The following GSN variants were observed in gnomAD, a reference collection of about 807,000 sequenced individuals.
The protein encoded by GSN is gelsolin.
A neutral mutation model predicts 85.7 loss-of-function variants in GSN; 56 were observed. The observed-to-expected ratio is 0.65, with a 90% CI of 0.53 to 0.82. The LOEUF (loss-of-function observed/expected upper bound fraction) is 0.82, where lower values mean the gene tolerates loss of function less well. Among genes scored for constraint, GSN ranks in the 40% least tolerant of loss-of-function variants. GSN has a pLI of 0.00. For synonymous variants in GSN, 373 were observed against 399.1 expected (o/e 0.93, Z 0.78); for missense variants, 857 against 979.8 (o/e 0.87, Z 1.67).
chr9:121,272,954 C>A (rs536045576), intron 1 of GSN, among the ~76,000 whole-genome samples: 1 of 152,278 alleles, frequency 6.6e-6, no homozygotes, highest in South Asian at 2.1e-4. Context: ...CCACACACAG[C>A]CTGTCAGGTT....
Position 121,324,652 on chromosome 9 carries a change from C to T in GSN, c.1416+8C>T. 1 of 1,403,296 alleles carries T rather than the reference C, an allele frequency of 7.1e-7. No homozygotes were observed. The allele number at this position is 1,403,296 out of a possible 1,614,324, so 86.9% of individuals were successfully genotyped here. On this transcript the variant is annotated splice_region_variant and intron_variant, in intron 12 of 17. Transcript: ENST00000432226. ...GGAGGTACCCCTGTCCAGGTGAGCC[C>T]AGCCCACCGCCTCTCTGGGCTGCAG...
chr9:121,303,518 T>A (rs1321394838), intron 4 of GSN, among the ~76,000 whole-genome samples: 14 of 152,232 alleles, frequency 9.2e-5, no homozygotes, highest in Admixed American at 9.2e-4. Flanking sequence ...TAGAATCCCC[T>A]TTGAACTTGA....
intron 5 of GSN, 51 bp from the exon 6 acceptor site, chr9:121,312,288 C>T (rs1049803111): frequency 1.0e-5 from 16 of 1,603,464 alleles, no homozygotes; most frequent in Non-Finnish European, 1.4e-5. Context: ...TGTCGCTGGG[C>T]GGGGCTTATA....
At chr9:121,271,560 G>A (rs914814466) in intron 1 of GSN, among the ~76,000 whole-genome samples, 1 of 152,146 alleles carries the variant, frequency 6.6e-6, no homozygotes, top group African/African-American at 2.4e-5. Flanking sequence ...GAGGTCTGAC[G>A]ACAGAGCCAT....
intron 17 of GSN, 76 bp downstream of exon 17, chr9:121,331,524 T>C (rs927469040): frequency 5.9e-6 from 5 of 848,756 alleles, no homozygotes; most frequent in Non-Finnish European, 9.9e-6. Flanking sequence ...CCTGTACAGG[T>C]CTGGGAATGA....
chr9:121,294,629 T>A (rs1416105371), intron 2 of GSN, among the ~76,000 whole-genome samples: 1 of 152,030 alleles, frequency 6.6e-6, no homozygotes. Flanking sequence ...GCTGGCCATC[T>A]CCCCAACAGC....
chr9:121,324,512 C>A, intron 11 of GSN, 42 bp from the exon 12 acceptor site: 1 of 991,662 alleles, frequency 1.0e-6, no homozygotes, highest in Non-Finnish European at 1.6e-6. Context: ...AGGCTCAGGG[C>A]TCTGTGTGCA....
intron 5 of GSN, among the ~76,000 whole-genome samples, chr9:121,232,028 C>A (rs755534867): frequency 1.3e-5 from 2 of 152,152 alleles, no homozygotes; most frequent in Non-Finnish European, 2.9e-5. Context: ...GATTATGCCA[C>A]TGCACTCCAG....
chr9:121,270,463 G>A (rs1351151348), intron 1 of GSN, among the ~76,000 whole-genome samples: 2 of 152,334 alleles, frequency 1.3e-5, no homozygotes, highest in African/African-American at 4.8e-5. Flanking sequence ...TGGCCACTGG[G>A]ATGGGTCAGA....
In GSN at chr9:121,329,163, C is replaced by T. The variant is rs1186228841; in HGVS notation, c.1888-75C>T. The T allele has an allele frequency of 2.5e-5, 37 of 1,456,206 alleles. No homozygotes were observed. The highest frequency in any genetic ancestry group is 3.4e-5 in the Non-Finnish European group (35 of 1,038,662). The allele number at this position is 1,456,206 out of a possible 1,614,324, so 90.2% of individuals were successfully genotyped here. A position where few individuals can be genotyped will look rare whatever the true frequency, so the allele number is the denominator to read the frequency against. On this transcript the variant is annotated intron_variant, in intron 15 of 17. Coordinates refer to ENST00000432226, the MANE Select transcript of GSN (RefSeq NM_198252.3). The surrounding 1 kb of genome is among the most constrained non-coding windows in gnomAD (Gnocchi z 4.6). ...CCAGCTGCAGCCAGCTGTGCCACTC[C>T]CTCAGGGGGCAGATAAAGGAAGGCC...
At chr9:121,273,230 T>C (rs2056228474) in intron 1 of GSN, among the ~76,000 whole-genome samples, 1 of 152,180 alleles carries the variant, frequency 6.6e-6, no homozygotes, top group Non-Finnish European at 1.5e-5. Context: ...AACAGTCCTG[T>C]TATTTTCCAA....
chr9:121,213,461 C>A (rs2054003556), intron 4 of GSN, among the ~76,000 whole-genome samples: 1 of 152,244 alleles, frequency 6.6e-6, no homozygotes, highest in Non-Finnish European at 1.5e-5. Flanking sequence ...CTACTGCTCC[C>A]ATTTGTGTTG....
intron 4 of GSN, among the ~76,000 whole-genome samples, chr9:121,218,023 T>G (rs935531976): frequency 1.3e-5 from 2 of 152,084 alleles, no homozygotes; most frequent in African/African-American, 4.8e-5. Flanking sequence ...ATCCTGATCT[T>G]ATTCATTCTT....
In GSN at chr9:121,299,691, T is replaced by G; in HGVS notation, c.-9-2272T>G. The G allele has an allele frequency of 1.2e-6, 1 of 837,328 alleles. No homozygotes were observed. The highest frequency in any genetic ancestry group is 1.5e-6 in the Non-Finnish European group (1 of 653,586). 51.9% of individuals were successfully genotyped at this position (837,328 alleles called of 1,614,324 possible). A position where few individuals can be genotyped will look rare whatever the true frequency, so the allele number is the denominator to read the frequency against. On this transcript the variant is annotated intron_variant, in intron 2 of 17. Transcript: ENST00000432226. This position sits in a 1 kb window ranked among gnomAD's most constrained non-coding sequence, Gnocchi z 4.2. The stretch of plus-strand genomic sequence containing the variant: ...GGGGTGCAGGGGCTGCCGCGCCCTG[T>G]CGGGTCGATCCGGGTGGGAACCCAG...
At chr9:121,278,698 A>T (rs1044741793) in intron 1 of GSN, among the ~76,000 whole-genome samples, 1 of 152,232 alleles carries the variant, frequency 6.6e-6, no homozygotes, top group Non-Finnish European at 1.5e-5. Flanking sequence ...TTATGGCTCC[A>T]TCTGGAGTGT....
In GSN at chr9:121,316,681, G is replaced by A. The variant is rs572167422; in HGVS notation, c.754-405G>A. ...AGATGGGATCTTGCCATGTTGCCCAGGCTGGTCTTGAACTCCTGGGCTCAA... is the reference window on the plus strand; with the variant it reads ...AGATGGGATCTTGCCATGTTGCCCAAGCTGGTCTTGAACTCCTGGGCTCAA... On this transcript the variant is annotated intron_variant, in intron 7 of 17. Coordinates refer to ENST00000432226, the MANE Select transcript of GSN (RefSeq NM_198252.3). 2.0e-5 allele frequency among the ~76,000 whole-genome samples: 3 copies of A among 152,220 alleles called. No homozygotes were observed. In the East Asian group the frequency reaches 5.8e-4, roughly 29 times the overall value.
chr9:121,311,737 A>T (rs146578185), intron 5 of GSN: 7 of 152,614 alleles, frequency 4.6e-5, no homozygotes, highest in East Asian at 1.9e-4. Context: ...TTTGCTCAAC[A>T]TTACATTTCT....
chr9:121,328,164 C>T (rs1179036291), intron 14 of GSN, among the ~76,000 whole-genome samples: 1 of 152,170 alleles, frequency 6.6e-6, no homozygotes, highest in Non-Finnish European at 1.5e-5. Flanking sequence ...GCTCTGTTTC[C>T]AGAATGTGGG....
chr9:121,276,139 C>A (rs970004741), intron 1 of GSN, among the ~76,000 whole-genome samples: 1 of 152,220 alleles, frequency 6.6e-6, no homozygotes, highest in African/African-American at 2.4e-5. Flanking sequence ...TGAATGAATC[C>A]TTTTTGTAAC....
Sources: gnomAD v4.1 joint callset for allele counts (sites outside exome capture counted in the v4.1 genomes callset) on GRCh38, gnomAD v4.1.1 for gene constraint, Gnocchi (gnomAD v3.1) non-coding constraint, MANE v1.5 for transcripts, NCBI Gene and HGNC (gene_info 2026-07-23, HGNC 2026-07-21) for gene names.